SLAIN2: variants seen among roughly 807,000 people sequenced by gnomAD.
SLAIN2 encodes SLAIN motif-containing protein 2.
In SLAIN2, 31 loss-of-function variants were observed where a neutral mutation model predicts 56.6. The ratio of observed to expected loss-of-function variants is 0.55; its 90% CI spans 0.41 to 0.74. The LOEUF is 0.74. Ranked by LOEUF, SLAIN2 falls within the 30% of genes least tolerant of loss-of-function variation. The pLI, the probability that SLAIN2 is intolerant of heterozygous loss-of-function variation, is 0.00. For missense variants in SLAIN2, 777 were observed against 754.2 expected (o/e 1.03, Z -0.35); for synonymous variants, 317 against 284.9 (o/e 1.11, Z -1.13).
chr4:48,381,324 A>G (rs1715965424), intron 4 of SLAIN2, among the ~76,000 whole-genome samples: 1 of 152,170 alleles, frequency 6.6e-6, no homozygotes, highest in Non-Finnish European at 1.5e-5. Context: ...TAGTAATAAA[A>G]ATATATGTGA....
chr4:48,380,351 T>C (rs1356770643), intron 4 of SLAIN2, among the ~76,000 whole-genome samples: 1 of 152,124 alleles, frequency 6.6e-6, no homozygotes, highest in Non-Finnish European at 1.5e-5. Context: ...CATCTAGGAA[T>C]TTTTTCACAC....
At chr4:48,414,707 C>A (rs1475492314) in intron 6 of SLAIN2, among the ~76,000 whole-genome samples, 6 of 109,980 alleles carry the variant, frequency 5.5e-5, no homozygotes, top group South Asian at 3.8e-4. Flanking sequence ...ATCCCTCCCC[C>A]CTCCCCCGAC....
At chr4:48,382,989 A>AC in intron 5 of SLAIN2, 62 bp downstream of exon 5, 1 of 1,465,034 alleles carries the variant, frequency 6.8e-7, no homozygotes, top group Non-Finnish European at 9.0e-7. Flanking sequence ...ACATAGCAAG[A>AC]CCCCGTCTCT....
chr4:48,345,284 C>G lies in SLAIN2; in HGVS notation c.389+3156C>G, dbSNP rs184566666. Among the ~76,000 whole-genome samples, 234 of 152,352 alleles carry G rather than the reference C, an allele frequency of 1.5e-3. 2 individuals are homozygous for G. The highest frequency in any genetic ancestry group is 0.014 in the Admixed American group (220 of 15,308). On this transcript the variant is annotated intron_variant, in intron 1 of 7. Coordinates refer to ENST00000264313, the MANE Select transcript of SLAIN2 (RefSeq NM_020846.2). ...GCTGACCCTTTCTCCCTGCCACACA[C>G]TGTGAGCATTCCCTTCTCTTCTTCA... is the stretch of plus-strand genomic sequence containing the variant.
intron 6 of SLAIN2, among the ~76,000 whole-genome samples, chr4:48,411,697 C>T (rs1716852479): frequency 6.6e-6 from 1 of 152,000 alleles, no homozygotes; most frequent in South Asian, 2.1e-4. Flanking sequence ...CTTCTTAGAC[C>T]TTACAGTAGA....
intron 1 of SLAIN2, among the ~76,000 whole-genome samples, chr4:48,363,730 C>A (rs1715408843): frequency 9.0e-6 from 1 of 111,392 alleles, no homozygotes; most frequent in Non-Finnish European, 2.1e-5. Flanking sequence ...GACGGGGCGG[C>A]TGGCCAGGCG....
intron 6 of SLAIN2, chr4:48,394,548 A>G: frequency 2.0e-6 from 3 of 1,526,838 alleles, no homozygotes; most frequent in South Asian, 2.4e-5. Context: ...CTTCCAGGCA[A>G]ATATTACAGT....
chr4:48,422,131 G>T lies in SLAIN2; in HGVS notation c.*54G>T. 1.4e-6 allele frequency: 2 copies of T among 1,445,658 alleles called. No individual in the cohort carries two copies. Among genetic ancestry groups the T allele is most frequent in the Non-Finnish European group, 1.9e-6 (2 of 1,042,604 alleles). 89.6% of individuals were successfully genotyped at this position (1,445,658 alleles called of 1,614,324 possible). A position where few individuals can be genotyped will look rare whatever the true frequency, so the allele number is the denominator to read the frequency against. ...CGGCTTCATGGATACCCTTCACCAG[G>T]CTAAAAAACAACTTTTATATGCAGA... On this transcript the variant is annotated 3_prime_UTR_variant, in exon 8 of 8. Transcript: ENST00000264313.
intron 1 of SLAIN2, among the ~76,000 whole-genome samples, chr4:48,356,170 T>A (rs1240667103): frequency 2.0e-5 from 3 of 152,228 alleles, no homozygotes; most frequent in Non-Finnish European, 4.4e-5. Context: ...TATGACGTTT[T>A]AGCCAGGAAC....
intron 1 of SLAIN2, among the ~76,000 whole-genome samples, chr4:48,363,734 C>G (rs1715409092): frequency 9.5e-6 from 1 of 105,204 alleles, no homozygotes; most frequent in Non-Finnish European, 2.2e-5. Flanking sequence ...GGGCGGCTGG[C>G]CAGGCGGGGG....
At chr4:48,408,344 G>T (rs879900689) in intron 6 of SLAIN2, among the ~76,000 whole-genome samples, 2 of 147,654 alleles carry the variant, frequency 1.4e-5, no homozygotes, top group Non-Finnish European at 3.0e-5. Flanking sequence ...AATCTAAAAC[G>T]AACAAAAAAA....
intron 2 of SLAIN2, among the ~76,000 whole-genome samples, chr4:48,372,396 C>CTT (rs1463805811): frequency 6.6e-6 from 1 of 152,192 alleles, no homozygotes; most frequent in Non-Finnish European, 1.5e-5. Context: ...CAACTTTGCT[C>CTT]TTGTAGCATG....
intron 7 of SLAIN2, among the ~76,000 whole-genome samples, chr4:48,421,582 ATAAAACTATGAGTTCCAAGTAT>A (rs1717158426): frequency 6.6e-6 from 1 of 152,154 alleles, no homozygotes; most frequent in Non-Finnish European, 1.5e-5. Flanking sequence ...CACATAGCTA[ATAAAACTATGAGTTCCAAGTAT>A]GTCTGACTTT....
intron 6 of SLAIN2, among the ~76,000 whole-genome samples, chr4:48,402,666 T>G (rs1716586075): frequency 6.6e-6 from 1 of 152,330 alleles, no homozygotes; most frequent in African/African-American, 2.4e-5. Context: ...TATTGTTTTA[T>G]CATGATTCTT....
chr4:48,390,821 ATAGCCAGATTTATCAATCTGTC>A (rs1428555508), intron 6 of SLAIN2, among the ~76,000 whole-genome samples: 6 of 152,240 alleles, frequency 3.9e-5, no homozygotes, highest in African/African-American at 1.4e-4. Flanking sequence ...TTAGTACATC[ATAGCCAGATTTATCAATCTGTC>A]TACTCTTACT....
chr4:48,410,383 T>A (rs1365362815), intron 6 of SLAIN2, among the ~76,000 whole-genome samples: 1 of 152,132 alleles, frequency 6.6e-6, no homozygotes, highest in African/African-American at 2.4e-5. Flanking sequence ...CTCAGTGGAT[T>A]TATTCTTCAC....
At chr4:48,392,832 C>G (rs1185096483) in intron 6 of SLAIN2, among the ~76,000 whole-genome samples, 1 of 150,098 alleles carries the variant, frequency 6.7e-6, no homozygotes, top group Admixed American at 6.7e-5. Flanking sequence ...GCCTCATTGT[C>G]TGTCTCCCCT....
At position 48,369,431 on chromosome 4, in the gene SLAIN2, A is replaced by C. The variant is rs138612649; in HGVS notation, c.390-418A>C. Among the ~76,000 whole-genome samples, 14 of 152,308 alleles carry C rather than the reference A, an allele frequency of 9.2e-5. No homozygotes were observed. The East Asian group carries it at 2.5e-3, about 27-fold the overall frequency. ...GATACTGCTTAACTAAAAGGAATGA[A>C]TCACTAATGGTAGATGTTTGTGTAT... On this transcript the variant is annotated intron_variant, in intron 1 of 7. Transcript: ENST00000264313.
chr4:48,421,139 C>T (rs1469541526), intron 7 of SLAIN2, among the ~76,000 whole-genome samples: 4 of 152,070 alleles, frequency 2.6e-5, no homozygotes, highest in Non-Finnish European at 5.9e-5. Flanking sequence ...CCTCAGCACC[C>T]CCTGTAGCTG....
Sources: allele counts gnomAD v4.1 joint callset (sites outside exome capture counted in the v4.1 genomes callset), GRCh38; gene constraint gnomAD v4.1.1; transcripts MANE v1.5; gene names NCBI Gene and HGNC (gene_info 2026-07-23, HGNC 2026-07-21).